ADGRB3: variants seen among roughly 807,000 people sequenced by gnomAD.
The protein encoded by ADGRB3 is adhesion G protein-coupled receptor B3, also known as brain-specific angiogenesis inhibitor 3.
Under a neutral mutation model 193.4 loss-of-function variants are expected in ADGRB3, and 37 were observed. The ratio of observed to expected loss-of-function variants is 0.19; its 90% CI spans 0.15 to 0.25. The LOEUF (loss-of-function observed/expected upper bound fraction) is 0.25, where lower values mean the gene tolerates loss of function less well. ADGRB3 is among the 10% of genes least tolerant of loss of function. ADGRB3 has a pLI of 1.00. For synonymous variants in ADGRB3, 690 were observed against 644.2 expected, an observed-to-expected ratio of 1.07 and a Z score of -1.08; for missense variants, 1,637 against 1,852.9, an observed-to-expected ratio of 0.88 and a Z score of 2.14.
At chr6:68,677,517 T>C (rs1424854333) in intron 3 of ADGRB3, among the ~76,000 whole-genome samples, 2 of 136,942 alleles carry the variant, frequency 1.5e-5, no homozygotes, top group African/African-American at 2.6e-5. Flanking sequence ...TTTTTTCTTT[T>C]TTTCTTTTTT....
intron 3 of ADGRB3, among the ~76,000 whole-genome samples, chr6:68,719,203 TC>T (rs1233537695): frequency 6.6e-6 from 1 of 151,740 alleles, no homozygotes; most frequent in African/African-American, 2.4e-5. Context: ...TAAGTCCGTG[TC>T]CCTGATGTTA....
intron 3 of ADGRB3, among the ~76,000 whole-genome samples, chr6:68,641,007 G>A (rs1035482000): frequency 9.2e-5 from 14 of 152,104 alleles, no homozygotes; most frequent in African/African-American, 9.7e-5. Flanking sequence ...GCAACTGCAG[G>A]GATGGTATTT....
At chr6:69,311,242 A>G (rs1246810358) in intron 20 of ADGRB3, among the ~76,000 whole-genome samples, 1 of 151,778 alleles carries the variant, frequency 6.6e-6, no homozygotes, top group Non-Finnish European at 1.5e-5. Flanking sequence ...CAAGAAGTCA[A>G]ACAGGGAAGG....
At chr6:69,086,547 T>C (rs2150316087) in intron 17 of ADGRB3, among the ~76,000 whole-genome samples, 1 of 152,264 alleles carries the variant, frequency 6.6e-6, no homozygotes, top group East Asian at 1.9e-4. Context: ...AGATTATGTT[T>C]ACTAGGTTTT....
chr6:68,673,116 A>G (rs925883664), intron 3 of ADGRB3, among the ~76,000 whole-genome samples: 1 of 151,996 alleles, frequency 6.6e-6, no homozygotes, highest in Non-Finnish European at 1.5e-5. Flanking sequence ...GTTAGGTGCA[A>G]TAATAATTAA....
At chr6:68,930,786 C>A in intron 4 of ADGRB3, 117 bp downstream of exon 4, 1 of 804,986 alleles carries the variant, frequency 1.2e-6, no homozygotes, top group Non-Finnish European at 1.9e-6. Flanking sequence ...TTTTTCGAGC[C>A]ATTTTTTTTG....
intron 29 of ADGRB3, among the ~76,000 whole-genome samples, chr6:69,370,028 C>T (rs529395882): frequency 6.6e-6 from 1 of 152,028 alleles, no homozygotes; most frequent in Non-Finnish European, 1.5e-5. Context: ...TGTAACATAT[C>T]ACTCCTGTAT....
chr6:69,232,316 G>A (rs1187335505), intron 17 of ADGRB3: 1 of 953,900 alleles, frequency 1.0e-6, no homozygotes, highest in Non-Finnish European at 1.4e-6. Flanking sequence ...GTTCTGCTGG[G>A]GGTGGAAGGG....
intron 23 of ADGRB3, 195 bp from the exon 24 acceptor site, chr6:69,332,723 GTACTT>G: frequency 3.0e-6 from 3 of 985,386 alleles, no homozygotes; most frequent in Non-Finnish European, 3.6e-6. Context: ...TGAACTTAAT[GTACTT>G]TACAACTTTA....
intron 17 of ADGRB3, among the ~76,000 whole-genome samples, chr6:69,119,355 A>T (rs1054212135): frequency 3.9e-5 from 6 of 152,200 alleles, no homozygotes; most frequent in Admixed American, 3.9e-4. Context: ...TTTGGAATAC[A>T]TCAGTAAGCA....
chr6:68,962,651 C>T (rs538982007), intron 8 of ADGRB3, among the ~76,000 whole-genome samples: 1 of 152,164 alleles, frequency 6.6e-6, no homozygotes, highest in African/African-American at 2.4e-5. Flanking sequence ...TTATTCTTTT[C>T]ATCCCTTATT....
chr6:69,223,230 A>G (rs1445764892), intron 17 of ADGRB3, among the ~76,000 whole-genome samples: 1 of 152,234 alleles, frequency 6.6e-6, no homozygotes, highest in African/African-American at 2.4e-5. Context: ...TATGTAGGCA[A>G]TGATGAATCA....
intron 17 of ADGRB3, among the ~76,000 whole-genome samples, chr6:69,078,172 C>A (rs1203626324): frequency 2.0e-5 from 3 of 151,906 alleles, no homozygotes; most frequent in African/African-American, 7.2e-5. Flanking sequence ...TAATAAAGTT[C>A]AAATTAGAAG....
intron 3 of ADGRB3, among the ~76,000 whole-genome samples, chr6:68,830,940 T>C (rs1221055284): frequency 8.1e-6 from 1 of 122,818 alleles, no homozygotes; most frequent in East Asian, 2.3e-4. Context: ...TCAAAACATG[T>C]ATGGCAGAAC....
At chr6:68,664,133 CA>C (rs1436330128) in intron 3 of ADGRB3, among the ~76,000 whole-genome samples, 1 of 151,750 alleles carries the variant, frequency 6.6e-6, no homozygotes, top group African/African-American at 2.4e-5. Context: ...TTTCTCATAG[CA>C]TCCTACATTT....
intron 17 of ADGRB3, among the ~76,000 whole-genome samples, chr6:69,090,222 C>G (rs1474608973): frequency 3.3e-5 from 5 of 152,158 alleles, no homozygotes; most frequent in Admixed American, 3.3e-4. Context: ...TTATTCAATA[C>G]CTCATCTCCA....
At chr6:68,815,622 T>C (rs1267669348) in intron 3 of ADGRB3, among the ~76,000 whole-genome samples, 1 of 146,298 alleles carries the variant, frequency 6.8e-6, no homozygotes, top group African/African-American at 2.4e-5. Flanking sequence ...TGTGTGTGTG[T>C]GTGTGTGTGT....
At position 69,332,968 on chromosome 6, in the gene ADGRB3, A is replaced by G; in HGVS notation, c.3148A>G (p.Arg1050Gly). ...TTTGGTATTTAATAAACTTGTTTCC[A>G]GAGATGGAATCCTAGATAAAAAGCT... ...GILVFNKLVS[R>G]DGILDKKLKH... is the part of the protein sequence containing the mutation. The change falls in exon 24 of 32, where the codon AGA (arginine) becomes GGA (glycine). Residue 1050 changes from arginine to glycine, a missense_variant. Arg to Gly is a moderately radical substitution (Grantham distance 125). Transcript: ENST00000370598. 6.2e-7 allele frequency: 1 copy of G among 1,613,872 alleles called. No individual in the cohort carries two copies. The highest frequency in any genetic ancestry group is 8.5e-7 in the Non-Finnish European group (1 of 1,179,864).
chr6:69,246,783 G>T (rs182497394), intron 20 of ADGRB3, among the ~76,000 whole-genome samples: 77 of 152,302 alleles, frequency 5.1e-4, no homozygotes, highest in African/African-American at 1.8e-3. Flanking sequence ...GAAGCAGTTT[G>T]GACATTCAGT....
Sources: gnomAD v4.1 joint callset for allele counts (sites outside exome capture counted in the v4.1 genomes callset) on GRCh38, gnomAD v4.1.1 for gene constraint, MANE v1.5 for transcripts, NCBI Gene and HGNC (gene_info 2026-07-23, HGNC 2026-07-21) for gene names.